Variants in RIMS2 observed in about 807,000 individuals in gnomAD.
The protein encoded by RIMS2 is regulating synaptic membrane exocytosis protein 2.
In RIMS2, 59 loss-of-function variants were observed where a neutral mutation model predicts 174.4. The ratio of observed to expected loss-of-function variants is 0.34; its 90% CI spans 0.27 to 0.42. The LOEUF (loss-of-function observed/expected upper bound fraction) is 0.42. Among genes scored for constraint, RIMS2 ranks in the 10% least tolerant of loss-of-function variants. The pLI is 1.00. For synonymous variants in RIMS2, 606 were observed against 572.5 expected (o/e 1.06, Z -0.84); for missense variants, 1,620 against 1,666.3 (o/e 0.97, Z 0.48).
At chr8:103,951,389 C>A (rs897884032) in intron 14 of RIMS2, among the ~76,000 whole-genome samples, 7 of 152,194 alleles carry the variant, frequency 4.6e-5, no homozygotes, top group African/African-American at 1.7e-4. Context: ...CGGGTGATTT[C>A]TGCATTTCCA....
At chr8:103,866,316 A>G (rs1038065958) in intron 3 of RIMS2, among the ~76,000 whole-genome samples, 2 of 152,132 alleles carry the variant, frequency 1.3e-5, no homozygotes, top group Non-Finnish European at 2.9e-5. Context: ...AGATTTTATT[A>G]ACACAATATT....
At chr8:104,251,897 T>A, downstream of RIMS2, 1 of 823,470 alleles carries the variant, frequency 1.2e-6, no homozygotes, top group Non-Finnish European at 2.0e-6. Context: ...CAAACCCTGG[T>A]AACACTGCAT....
chr8:103,504,347 T>C (rs1822211199), intron 1 of RIMS2, among the ~76,000 whole-genome samples: 1 of 152,144 alleles, frequency 6.6e-6, no homozygotes, highest in Non-Finnish European at 1.5e-5. Flanking sequence ...TTTATTTAAA[T>C]TGTGGTAATG....
At chr8:103,941,456 C>T (rs1484513789) in intron 13 of RIMS2, among the ~76,000 whole-genome samples, 2 of 149,854 alleles carry the variant, frequency 1.3e-5, no homozygotes, top group Non-Finnish European at 3.0e-5. Flanking sequence ...CCCTGCACTC[C>T]AGCCTGGGTG....
In RIMS2 at chr8:103,831,361, T is replaced by G. The variant is rs147373917; in HGVS notation, c.699-53937T>G. 2.5e-4 allele frequency among the ~76,000 whole-genome samples: 38 copies of G among 152,280 alleles called. 1 individual carries two copies. Among genetic ancestry groups the G allele is most frequent in the African/African-American group, 7.7e-4 (32 of 41,544 alleles). ...TTTGACCTGAAAGAGGGCTTTTCTT[T>G]TCTTTCTGCGTGGCTAATAACACAC... On this transcript the variant is annotated intron_variant, in intron 3 of 23. Transcript: ENST00000504942.
intron 19 of RIMS2, among the ~76,000 whole-genome samples, chr8:104,061,539 C>T (rs1448295502): frequency 2.6e-5 from 4 of 151,238 alleles, no homozygotes; most frequent in African/African-American, 9.7e-5. Context: ...ACTTTCAATA[C>T]CCAGTAATAA....
At chr8:104,062,545 C>G (rs1335951072) in intron 19 of RIMS2, among the ~76,000 whole-genome samples, 2 of 152,054 alleles carry the variant, frequency 1.3e-5, no homozygotes, top group Non-Finnish European at 2.9e-5. Context: ...ATACTTAGTT[C>G]TCTGTTGAAA....
At chr8:104,009,259 A>T (rs1286860234) in intron 17 of RIMS2, among the ~76,000 whole-genome samples, 1 of 151,434 alleles carries the variant, frequency 6.6e-6, no homozygotes, top group Non-Finnish European at 1.5e-5. Context: ...GACATTCAAG[A>T]TATTTTAACA....
intron 2 of RIMS2, among the ~76,000 whole-genome samples, chr8:103,756,072 G>T (rs989728754): frequency 3.3e-5 from 5 of 152,114 alleles, no homozygotes; most frequent in Non-Finnish European, 5.9e-5. Flanking sequence ...TTTTATCTAC[G>T]TTTGATCTTT....
At chr8:104,154,560 A>G (rs894981889) in intron 19 of RIMS2, among the ~76,000 whole-genome samples, 3 of 152,270 alleles carry the variant, frequency 2.0e-5, no homozygotes, top group Admixed American at 1.3e-4. Context: ...AATAAGAAAT[A>G]GAAATTTTAA....
chr8:104,120,770 G>C (rs2098361271), intron 19 of RIMS2, among the ~76,000 whole-genome samples: 1 of 152,088 alleles, frequency 6.6e-6, no homozygotes, highest in South Asian at 2.1e-4. Flanking sequence ...AAAAAATTAG[G>C]AGTATCACAT....
intron 19 of RIMS2, among the ~76,000 whole-genome samples, chr8:104,110,505 A>T (rs1172185234): frequency 1.3e-5 from 2 of 152,158 alleles, no homozygotes; most frequent in African/African-American, 4.8e-5. Context: ...AAGGTTTTTA[A>T]ACTGTAAAAA....
At chr8:103,777,231 A>G (rs2098328402) in intron 3 of RIMS2, among the ~76,000 whole-genome samples, 1 of 152,038 alleles carries the variant, frequency 6.6e-6, no homozygotes, top group South Asian at 2.1e-4. Flanking sequence ...AGAAAGAATT[A>G]TAAGAAAAAA....
chr8:104,198,957 T>C (rs1279851461), intron 19 of RIMS2, among the ~76,000 whole-genome samples: 2 of 152,230 alleles, frequency 1.3e-5, no homozygotes, highest in African/African-American at 4.8e-5. Flanking sequence ...GCACTTAAAG[T>C]CAGTTACTTA....
intron 1 of RIMS2, among the ~76,000 whole-genome samples, chr8:103,692,145 G>A (rs1280271818): frequency 6.6e-6 from 1 of 152,148 alleles, no homozygotes; most frequent in Non-Finnish European, 1.5e-5. Context: ...AGACTGCGCT[G>A]GGTCAGACCT....
chr8:103,887,304 A>G (rs2099209393), intron 4 of RIMS2, among the ~76,000 whole-genome samples: 1 of 150,874 alleles, frequency 6.6e-6, no homozygotes, highest in African/African-American at 2.4e-5. Flanking sequence ...TATAGTTAGG[A>G]TTTTACCCCA....
At chr8:103,817,447 T>G (rs1415134285) in intron 3 of RIMS2, among the ~76,000 whole-genome samples, 1 of 152,200 alleles carries the variant, frequency 6.6e-6, no homozygotes, top group Non-Finnish European at 1.5e-5. Context: ...AAAATCAAAA[T>G]ATTTTTTCTA....
At position 104,145,541 on chromosome 8, in the gene RIMS2, T is replaced by A. The variant is rs186541600; in HGVS notation, c.3335-99375T>A. On this transcript the variant is annotated intron_variant, in intron 19 of 23. Coordinates refer to ENST00000504942, the Ensembl canonical transcript of RIMS2. ...CAAAACTTTAAAAATTTTGGTAGCT[T>A]GTGGCTGAGCGTGGTGGCTCACACC... 7.7e-4 allele frequency among the ~76,000 whole-genome samples: 117 copies of A among 151,910 alleles called. 2 individuals carry two copies. In the East Asian group the frequency reaches 0.013, roughly 17 times the overall value.
intron 2 of RIMS2, among the ~76,000 whole-genome samples, chr8:103,727,121 G>T (rs893758660): frequency 1.3e-5 from 2 of 151,850 alleles, no homozygotes; most frequent in Non-Finnish European, 2.9e-5. Context: ...AAAGGATATA[G>T]ATTTTTTTGT....
Sources: gnomAD v4.1 joint callset for allele counts (sites outside exome capture counted in the v4.1 genomes callset) on GRCh38, gnomAD v4.1.1 for gene constraint, MANE v1.5 for transcripts, NCBI Gene and HGNC (gene_info 2026-07-23, HGNC 2026-07-21) for gene names.